IQCM: variants seen among roughly 807,000 people sequenced by gnomAD.
IQCM encodes IQ domain-containing protein M.
In IQCM, 45 loss-of-function variants were observed where a neutral mutation model predicts 57.6. The ratio of observed to expected loss-of-function variants is 0.78; its 90% CI spans 0.62 to 1.00. The LOEUF (loss-of-function observed/expected upper bound fraction) is 1.00. Ranked by LOEUF, IQCM falls within the 50% of genes least tolerant of loss-of-function variation. The pLI is 0.00. For synonymous variants in IQCM, 148 were observed against 158.9 expected (o/e 0.93, Z 0.51); for missense variants, 468 against 511.6 (o/e 0.91, Z 0.82).
intron 5 of IQCM, among the ~76,000 whole-genome samples, chr4:149,689,201 C>CATAT (rs1762767397): frequency 6.6e-6 from 1 of 151,998 alleles, no homozygotes; most frequent in Non-Finnish European, 1.5e-5. Context: ...ATGTGTGGTA[C>CATAT]ATATACACCA....
At chr4:149,669,383 G>T (rs1761043598) in intron 7 of IQCM, among the ~76,000 whole-genome samples, 1 of 152,112 alleles carries the variant, frequency 6.6e-6, no homozygotes, top group East Asian at 1.9e-4. Flanking sequence ...TTAGCCCTTT[G>T]TCAGATGGGT....
intron 8 of IQCM, among the ~76,000 whole-genome samples, chr4:149,598,589 C>T (rs1753988997): frequency 1.3e-5 from 2 of 152,004 alleles, no homozygotes; most frequent in African/African-American, 4.8e-5. Context: ...TAAAATACAA[C>T]CATGAGATGT....
Position 149,769,219 on chromosome 4 carries a change from C to G in IQCM, c.-48-26480G>C, listed in dbSNP as rs150208010. ...ATTCTGAAGAGTTTTATTAGGGAAA[C>G]TCTTCCATACCCATGAATTCAAGTC... On this transcript the variant is annotated intron_variant, in intron 2 of 13. Transcript: ENST00000636793. 2.2e-3 allele frequency among the ~76,000 whole-genome samples: 333 copies of G among 152,074 alleles called. 1 individual carries two copies. The highest frequency in any genetic ancestry group is 0.01 in the Middle Eastern group (3 of 294).
At chr4:149,563,109 G>T (rs1750286185) in intron 10 of IQCM, among the ~76,000 whole-genome samples, 1 of 152,138 alleles carries the variant, frequency 6.6e-6, no homozygotes, top group Non-Finnish European at 1.5e-5. Context: ...TAAAAATCAG[G>T]ATTGCGATCT....
intron 8 of IQCM, among the ~76,000 whole-genome samples, chr4:149,601,468 T>C (rs1471683298): frequency 6.6e-6 from 1 of 152,044 alleles, no homozygotes; most frequent in Non-Finnish European, 1.5e-5. Flanking sequence ...AATTTAAAAA[T>C]ATGTATATTT....
At chr4:149,441,848 G>A (rs1735971099) in intron 12 of IQCM, among the ~76,000 whole-genome samples, 1 of 152,116 alleles carries the variant, frequency 6.6e-6, no homozygotes, top group Non-Finnish European at 1.5e-5. Flanking sequence ...TGACAGGTGG[G>A]ACTTTTGGAA....
chr4:149,696,723 A>T (rs1476255625), intron 5 of IQCM, among the ~76,000 whole-genome samples: 2 of 152,202 alleles, frequency 1.3e-5, no homozygotes, highest in Non-Finnish European at 2.9e-5. Context: ...GCTATGAGTC[A>T]GCTGGCTTAG....
intron 12 of IQCM, among the ~76,000 whole-genome samples, chr4:149,451,442 G>A (rs1737110714): frequency 6.6e-6 from 1 of 151,648 alleles, no homozygotes; most frequent in East Asian, 1.9e-4. Context: ...AGCATCTCAT[G>A]TACTCCATCA....
At chr4:149,740,148 C>T (rs1488998938) in intron 3 of IQCM, among the ~76,000 whole-genome samples, 1 of 152,206 alleles carries the variant, frequency 6.6e-6, no homozygotes, top group Non-Finnish European at 1.5e-5. Context: ...AGGCTACATT[C>T]TTCAGAGAGG....
At chr4:149,468,495 G>A (rs1219830138) in intron 12 of IQCM, among the ~76,000 whole-genome samples, 2 of 152,184 alleles carry the variant, frequency 1.3e-5, no homozygotes, top group Non-Finnish European at 2.9e-5. Flanking sequence ...AAACTGGGTG[G>A]AGCCAACCAC....
intron 12 of IQCM, among the ~76,000 whole-genome samples, chr4:149,467,314 G>C (rs552765274): frequency 1.3e-5 from 2 of 152,238 alleles, no homozygotes; most frequent in South Asian, 4.1e-4. Flanking sequence ...CACATTATTA[G>C]AAGAGGGAGA....
chr4:149,362,213 C>G (rs1205705501), intron 13 of IQCM, among the ~76,000 whole-genome samples: 1 of 152,094 alleles, frequency 6.6e-6, no homozygotes, highest in Non-Finnish European at 1.5e-5. Flanking sequence ...TTACAGGGTC[C>G]TAAGCAGAAG....
At chr4:149,683,262 A>G (rs1378717685) in intron 6 of IQCM, among the ~76,000 whole-genome samples, 1 of 151,158 alleles carries the variant, frequency 6.6e-6, no homozygotes, top group Non-Finnish European at 1.5e-5. Flanking sequence ...GAACATTTAT[A>G]TTTGTGCACC....
At chr4:149,377,390 T>G (rs1560786269) in intron 13 of IQCM, among the ~76,000 whole-genome samples, 1 of 152,188 alleles carries the variant, frequency 6.6e-6, no homozygotes, top group East Asian at 1.9e-4. Flanking sequence ...CAGTCTCATC[T>G]GGAATGATGC....
At chr4:149,724,316 C>T (rs1765702701) in intron 5 of IQCM, among the ~76,000 whole-genome samples, 1 of 152,032 alleles carries the variant, frequency 6.6e-6, no homozygotes, top group South Asian at 2.1e-4. Context: ...GGAAAAATCA[C>T]AGCACAAAGT....
intron 2 of IQCM, among the ~76,000 whole-genome samples, chr4:149,768,187 A>C (rs553714636): frequency 6.6e-6 from 1 of 152,264 alleles, no homozygotes; most frequent in African/African-American, 2.4e-5. Context: ...ACATGAAGCG[A>C]TGGTTAGATT....
chr4:149,663,140 C>G (rs1243157309), intron 7 of IQCM, among the ~76,000 whole-genome samples: 1 of 151,970 alleles, frequency 6.6e-6, no homozygotes, highest in Admixed American at 6.6e-5. Context: ...TAATTTTAAG[C>G]TGATAACATT....
At chr4:149,637,688 C>A (rs1382472373) in intron 7 of IQCM, among the ~76,000 whole-genome samples, 4 of 152,008 alleles carry the variant, frequency 2.6e-5, no homozygotes, top group Non-Finnish European at 5.9e-5. Flanking sequence ...ACAAACAGAC[C>A]AATGGAACAG....
chr4:149,508,505 T>C (rs1381843022), intron 12 of IQCM, among the ~76,000 whole-genome samples: 1 of 152,198 alleles, frequency 6.6e-6, no homozygotes, highest in Non-Finnish European at 1.5e-5. Flanking sequence ...AAGATTTGAC[T>C]GCCCCACTGG....
Sources: gnomAD v4.1 joint callset for allele counts (sites outside exome capture counted in the v4.1 genomes callset) on GRCh38, gnomAD v4.1.1 for gene constraint, MANE v1.5 for transcripts, NCBI Gene and HGNC (gene_info 2026-07-23, HGNC 2026-07-21) for gene names.